Variants in NCS1 observed in about 807,000 individuals in gnomAD.
NCS1 encodes the protein frequenin homolog.
A neutral mutation model predicts 28.4 loss-of-function variants in NCS1; 6 were observed. The observed-to-expected ratio is 0.21, with a 90% CI of 0.12 to 0.42. The LOEUF (loss-of-function observed/expected upper bound fraction) is 0.42. NCS1 is among the 10% of genes least tolerant of loss of function. The pLI is 1.00. For missense variants in NCS1, 131 were observed against 241.4 expected, an observed-to-expected ratio of 0.54 and a Z score of 3.03; for synonymous variants, 86 against 99.3, an observed-to-expected ratio of 0.87 and a Z score of 0.79.
Position 130,226,538 on chromosome 9 carries a change from G to C in NCS1, c.*17+34G>C. 6.6e-7 allele frequency: 1 copy of C among 1,508,462 alleles called. No homozygotes were observed. Among genetic ancestry groups the C allele is most frequent in the Non-Finnish European group, 9.1e-7 (1 of 1,096,352 alleles). The allele number at this position is 1,508,462 out of a possible 1,614,324, so 93.4% of individuals were successfully genotyped here. On this transcript the variant is annotated intron_variant, in intron 7 of 7. Transcript: ENST00000372398. This position sits in a 1 kb window ranked among gnomAD's most constrained non-coding sequence, Gnocchi z 4.8. Reference sequence around the variant, plus strand: ...AGACTCGGGGCCTGGGGTGGGTCTGGGATGGGTCAGGGGTGAAAACCCAGC... The same window carrying C: ...AGACTCGGGGCCTGGGGTGGGTCTGCGATGGGTCAGGGGTGAAAACCCAGC...
intron 2 of NCS1, among the ~76,000 whole-genome samples, chr9:130,201,201 G>A (rs1554907446): frequency 6.6e-6 from 1 of 152,174 alleles, no homozygotes; most frequent in Admixed American, 6.5e-5. Flanking sequence ...GGTGTTTGTT[G>A]GTGGTCCTTG....
chr9:130,205,537 G>GAAA lies in NCS1; in HGVS notation c.89+4571_89+4573dup, dbSNP rs1194053393. Among the ~76,000 whole-genome samples the GAAA allele has an allele frequency of 8.5e-4, 98 of 115,106 alleles. 3 individuals carry two copies. Among genetic ancestry groups the GAAA allele is most frequent in the Admixed American group, 2.5e-3 (26 of 10,590 alleles). 75.5% of individuals were successfully genotyped at this position (115,106 alleles called of 152,430 possible). ...CAATACAGTGAGACCTCGTCTCTTA[G>GAAA]AAAAAAAAAAAAAAAAAAGCCTGGG... On this transcript the variant is annotated intron_variant, in intron 2 of 7. Transcript: ENST00000372398.
At chr9:130,176,220 T>C (rs1554904642) in intron 1 of NCS1, among the ~76,000 whole-genome samples, 1 of 141,536 alleles carries the variant, frequency 7.1e-6, no homozygotes, top group Non-Finnish European at 1.5e-5. Context: ...GGAGACAGGG[T>C]CTGGCTGTGT....
intron 2 of NCS1, among the ~76,000 whole-genome samples, chr9:130,216,612 A>G (rs1215570409): frequency 6.6e-6 from 1 of 151,308 alleles, no homozygotes; most frequent in African/African-American, 2.4e-5. Flanking sequence ...GCTACTCGGG[A>G]GGCTGAGGCA....
At chr9:130,173,841 C>G (rs1445498413) in intron 1 of NCS1, among the ~76,000 whole-genome samples, 3 of 152,206 alleles carry the variant, frequency 2.0e-5, no homozygotes, top group Admixed American at 1.3e-4. Context: ...CCGCTTCCCC[C>G]CACTCCATCG....
rs1554904179 is a variant in NCS1 at position 130,172,652 on chromosome 9, C to A, written c.-12C>A. 4 of 1,455,632 alleles carry A rather than the reference C, an allele frequency of 2.7e-6. No homozygotes were observed. The East Asian group carries it at 9.5e-5, about 34-fold the overall frequency. 90.2% of individuals were successfully genotyped at this position (1,455,632 alleles called of 1,614,324 possible). ...GTCCGGCCCGGGGGGGCGGGGGCCG[C>A]GGCCGCCGAGGATGGGGAAATCCAA... On this transcript the variant is annotated 5_prime_UTR_variant, in exon 1 of 8. Transcript: ENST00000372398.
In NCS1 at chr9:130,195,591, T is replaced by C. The variant is rs1464303727; in HGVS notation, c.65-5367T>C. The stretch of plus-strand genomic sequence containing the variant: ...GGCACGCGCCACCACACCCGGCTAA[T>C]TTTTGTATTTTTAGTAGAGACAGGG... On this transcript the variant is annotated intron_variant, in intron 1 of 7. Transcript: ENST00000372398. Among the ~76,000 whole-genome samples the C allele has an allele frequency of 2.0e-5, 3 of 152,128 alleles. No homozygotes were observed. In the East Asian group the frequency reaches 5.8e-4, roughly 29 times the overall value.
At chr9:130,196,331 C>T (rs1290364772) in intron 1 of NCS1, among the ~76,000 whole-genome samples, 1 of 152,200 alleles carries the variant, frequency 6.6e-6, no homozygotes, top group African/African-American at 2.4e-5. Context: ...GTCCTCGAGT[C>T]CCCGGCTCTG....
chr9:130,229,461 G>A (rs1833468378), intron 7 of NCS1, among the ~76,000 whole-genome samples: 1 of 151,864 alleles, frequency 6.6e-6, no homozygotes, highest in Non-Finnish European at 1.5e-5. Flanking sequence ...CAGCATGTTG[G>A]ACAGGCTGGT....
chr9:130,183,726 TTCTC>T (rs1204525907), intron 1 of NCS1, among the ~76,000 whole-genome samples: 15 of 138,420 alleles, frequency 1.1e-4, no homozygotes, highest in African/African-American at 3.2e-4. Flanking sequence ...CCTTCCTTCT[TTCTC>T]TCTCTCTTCC....
At chr9:130,195,438 T>G (rs1335173531) in intron 1 of NCS1, among the ~76,000 whole-genome samples, 1 of 151,528 alleles carries the variant, frequency 6.6e-6, no homozygotes. Context: ...GGGCTTTGTT[T>G]TTTTTTTTTT....
chr9:130,212,919 T>C (rs1833131698), intron 2 of NCS1, among the ~76,000 whole-genome samples: 1 of 152,016 alleles, frequency 6.6e-6, no homozygotes, highest in Non-Finnish European at 1.5e-5. Flanking sequence ...GCCTCACAGC[T>C]GTGATTTGCA....
intron 2 of NCS1, among the ~76,000 whole-genome samples, chr9:130,207,393 C>T (rs1386832004): frequency 2.6e-5 from 4 of 152,170 alleles, no homozygotes; most frequent in Non-Finnish European, 2.9e-5. Flanking sequence ...TCACCTGTGC[C>T]GAGCTCATCC....
intron 7 of NCS1, among the ~76,000 whole-genome samples, chr9:130,227,213 G>T (rs1554911523): frequency 6.6e-6 from 1 of 152,162 alleles, no homozygotes; most frequent in Non-Finnish European, 1.5e-5. Flanking sequence ...GCCTGGCAGA[G>T]GCCCCTGTTG....
chr9:130,195,501 A>G (rs1554906734), intron 1 of NCS1, among the ~76,000 whole-genome samples: 1 of 151,270 alleles, frequency 6.6e-6, no homozygotes, highest in Non-Finnish European at 1.5e-5. Flanking sequence ...TCAGCTCACT[A>G]CAACCTCTGC....
chr9:130,183,029 C>G (rs150005330), intron 1 of NCS1, among the ~76,000 whole-genome samples: 1 of 152,186 alleles, frequency 6.6e-6, no homozygotes, highest in Non-Finnish European at 1.5e-5. Context: ...GGGGTGTCCT[C>G]GCCTCTGCAG....
chr9:130,200,704 G>C, intron 1 of NCS1: 1 of 1,522,756 alleles, frequency 6.6e-7, no homozygotes, highest in Non-Finnish European at 8.9e-7. Context: ...CCCAGCAGCG[G>C]CAGTGGCAGT....
intron 1 of NCS1, among the ~76,000 whole-genome samples, chr9:130,183,235 C>T (rs530998611): frequency 1.8e-4 from 28 of 152,334 alleles, no homozygotes; most frequent in Admixed American, 1.0e-3. Context: ...GCCGCAGTCT[C>T]TCCATCTGTT....
intron 1 of NCS1, among the ~76,000 whole-genome samples, chr9:130,187,899 T>A (rs1406277613): frequency 6.6e-6 from 1 of 152,214 alleles, no homozygotes; most frequent in Non-Finnish European, 1.5e-5. Context: ...CCACACAGCT[T>A]TGTGTCTCCC....
Sources: gnomAD v4.1 joint callset for allele counts (sites outside exome capture counted in the v4.1 genomes callset) on GRCh38, gnomAD v4.1.1 for gene constraint, Gnocchi (gnomAD v3.1) non-coding constraint, MANE v1.5 for transcripts, NCBI Gene and HGNC (gene_info 2026-07-23, HGNC 2026-07-21) for gene names.